Variants in EXOSC4 observed in about 807,000 individuals in gnomAD.
The protein encoded by EXOSC4 is exosome component 4, also known as exosome complex component RRP41.
A neutral mutation model predicts 20.0 loss-of-function variants in EXOSC4; 14 were observed. That is an observed-to-expected ratio of 0.70 (90% confidence interval 0.46 to 1.09). EXOSC4 has a LOEUF of 1.09. Ranked by LOEUF, EXOSC4 falls within the 50% of genes least tolerant of loss-of-function variation. The pLI, the probability that EXOSC4 is intolerant of heterozygous loss-of-function variation, is 0.00. For synonymous variants in EXOSC4, 148 were observed against 146.4 expected (o/e 1.01, Z -0.08); for missense variants, 337 against 334.0 (o/e 1.01, Z -0.07).
In EXOSC4 at chr8:144,078,800, G is replaced by T; in HGVS notation, c.72G>T (p.Lys24Asn). Residue 24 changes from lysine (K) to asparagine (N), a missense_variant, in exon 1 of 3, where the codon AAG becomes AAT. Transcript: ENST00000316052. The surrounding 1 kb of genome is among the most constrained non-coding windows in gnomAD (Gnocchi z 4.7). Reference sequence around the variant, plus strand: ...GGCGGCGCGCCGGGGAGCTGCGCAAGATCCAGGCGCGGATGGGCGTGTTCG... The same window carrying T: ...GGCGGCGCGCCGGGGAGCTGCGCAATATCCAGGCGCGGATGGGCGTGTTCG... ...VDGRRAGELR[K>N]IQARMGVFAQ... is the part of the protein sequence containing the mutation. 2 of 1,571,514 alleles carry T rather than the reference G, an allele frequency of 1.3e-6. No homozygotes were observed. Among genetic ancestry groups the T allele is most frequent in the East Asian group, 2.5e-5 (1 of 40,306 alleles).
At chr8:144,072,760 T>C in the EXOSC4 span, among the ~76,000 whole-genome samples, 3 of 152,258 alleles carry the variant, frequency 2.0e-5, no homozygotes, top group African/African-American at 7.2e-5. Flanking sequence ...TATTCTATTG[T>C]GTATACACAC....
chr8:144,067,974 A>G, the EXOSC4 span, among the ~76,000 whole-genome samples: 1 of 152,230 alleles, frequency 6.6e-6, no homozygotes, highest in African/African-American at 2.4e-5. Context: ...GCCAGCCTGC[A>G]TTCCTTCCTG....
the EXOSC4 span, among the ~76,000 whole-genome samples, chr8:144,069,137 G>A: frequency 6.6e-6 from 1 of 152,228 alleles, no homozygotes; most frequent in African/African-American, 2.4e-5. Flanking sequence ...GAAAACCAGG[G>A]ACAGAGACAA....
chr8:144,080,147 C>T lies in EXOSC4; in HGVS notation c.376C>T (p.Gln126Ter). ...ACGCTCCCAGATTGATATCTATGTG[C>T]AGGTGAGCCAGCTGCAGCCGTCAAT... is the stretch of plus-strand genomic sequence containing the variant. ...HPRSQIDIYV[Q>*]VLQADGGTYA... Residue 126 changes from glutamine (Q) to a stop codon, truncating the protein, a stop_gained and splice_region_variant, in exon 2 of 3, where the codon CAG becomes TAG. Coordinates refer to ENST00000316052, the MANE Select transcript of EXOSC4 (RefSeq NM_019037.3). LOFTEE classifies it high-confidence loss of function. This position sits in a 1 kb window ranked among gnomAD's most constrained non-coding sequence, Gnocchi z 4.9. 6.2e-7 allele frequency: 1 copy of T among 1,609,648 alleles called. No homozygotes were observed. Among genetic ancestry groups the T allele is most frequent in the Non-Finnish European group, 8.5e-7 (1 of 1,176,550 alleles).
chr8:144,080,501 T>C lies in EXOSC4; in HGVS notation c.638T>C (p.Val213Ala). The part of the protein sequence containing the change: ...ARLHEDHLER[V>A]LEAAAQAARD... ...CTGCACGAGGACCACCTGGAGCGGG[T>C]GTTGGAGGCTGCTGCCCAGGCTGCC... Residue 213 changes from valine (V) to alanine (A), a missense_variant, in exon 3 of 3, where the codon GTG becomes GCG. Coordinates refer to ENST00000316052, the MANE Select transcript of EXOSC4 (RefSeq NM_019037.3). The surrounding 1 kb of genome is among the most constrained non-coding windows in gnomAD (Gnocchi z 4.9). 1 of 1,605,508 alleles carries C rather than the reference T, an allele frequency of 6.2e-7. No homozygotes were observed. Among genetic ancestry groups the C allele is most frequent in the Non-Finnish European group, 8.5e-7 (1 of 1,179,930 alleles).
chr8:144,079,896 G>A, intron 1 of EXOSC4, 47 bp from the exon 2 acceptor site: 1 of 1,573,530 alleles, frequency 6.4e-7, no homozygotes, highest in South Asian at 1.1e-5. Context: ...ACAGTGGAGT[G>A]TGAGCTGGAA....
In EXOSC4 at chr8:144,080,177, G is replaced by A. The variant is rs1554763277; in HGVS notation, c.378+28G>A. ...GAGCCAGCTGCAGCCGTCAATCCAG[G>A]GAGGGAAGGGTGTGATGGGGTTGGG... is the stretch of plus-strand genomic sequence containing the variant. On this transcript the variant is annotated intron_variant, in intron 2 of 2. Transcript: ENST00000316052. This position sits in a 1 kb window ranked among gnomAD's most constrained non-coding sequence, Gnocchi z 4.9. The A allele has an allele frequency of 6.2e-7, 1 of 1,608,350 alleles. No homozygotes were observed. The highest frequency in any genetic ancestry group is 8.5e-7 in the Non-Finnish European group (1 of 1,175,854).
chr8:144,080,238 G>A lies in EXOSC4; in HGVS notation c.379-4G>A, dbSNP rs1554763283. The A allele has an allele frequency of 6.2e-7, 1 of 1,612,382 alleles. No homozygotes were observed. The highest frequency in any genetic ancestry group is 8.5e-7 in the Non-Finnish European group (1 of 1,178,968). ...GATAGACTGACACCCTGGGTTCCCT[G>A]CAGGTGCTACAGGCAGATGGTGGGA... On this transcript the variant is annotated splice_polypyrimidine_tract_variant and splice_region_variant and intron_variant, in intron 2 of 2. Transcript: ENST00000316052. The surrounding 1 kb of genome is among the most constrained non-coding windows in gnomAD (Gnocchi z 4.9).
At chr8:144,067,421 G>A in the EXOSC4 span, among the ~76,000 whole-genome samples, 1 of 152,188 alleles carries the variant, frequency 6.6e-6, no homozygotes, top group African/African-American at 2.4e-5. Context: ...AGTCTCCACT[G>A]CTGGGGGAGT....
chr8:144,076,794 G>A (rs1554762790), upstream of EXOSC4, among the ~76,000 whole-genome samples: 1 of 152,182 alleles, frequency 6.6e-6, no homozygotes, highest in African/African-American at 2.4e-5. Flanking sequence ...ACTGTCAGTG[G>A]ACAACCCAGT....
chr8:144,079,347 C>T (rs530406308), intron 1 of EXOSC4: 11 of 207,534 alleles, frequency 5.3e-5, no homozygotes, highest in Admixed American at 4.3e-4. Context: ...AGGAACTTTA[C>T]ATAAAACTAT....
chr8:144,071,356 C>A, the EXOSC4 span, among the ~76,000 whole-genome samples: 1 of 144,916 alleles, frequency 6.9e-6, no homozygotes, highest in African/African-American at 2.6e-5. Context: ...GATGGAGTCT[C>A]ACTCTGTCTC....
At chr8:144,077,243 C>CA (rs1468492469), upstream of EXOSC4, among the ~76,000 whole-genome samples, 7 of 152,074 alleles carry the variant, frequency 4.6e-5, no homozygotes, top group South Asian at 4.1e-4. Flanking sequence ...GACTCCATCT[C>CA]AAAAAACAAA....
chr8:144,080,580 C>G lies in EXOSC4; in HGVS notation c.717C>G (p.Ala239=), dbSNP rs1346064475. ...DRVVRQHVRE[A]SILLGD is the part of the protein sequence containing the mutation. Reference sequence around the variant, plus strand: ...TGGTCCGGCAGCATGTGCGTGAGGCCTCTATCTTGCTGGGGGACTGACCAC... The same window carrying G: ...TGGTCCGGCAGCATGTGCGTGAGGCGTCTATCTTGCTGGGGGACTGACCAC... The change falls in exon 3 of 3, where the codon GCC becomes GCG. Residue 239 remains alanine, a synonymous_variant. Coordinates refer to ENST00000316052, the MANE Select transcript of EXOSC4 (RefSeq NM_019037.3). This position sits in a 1 kb window ranked among gnomAD's most constrained non-coding sequence, Gnocchi z 4.9. 2 of 1,598,506 alleles carry G rather than the reference C, an allele frequency of 1.3e-6. No individual in the cohort carries two copies. Among genetic ancestry groups the G allele is most frequent in the East Asian group, 2.2e-5 (1 of 44,882 alleles).
the EXOSC4 span, among the ~76,000 whole-genome samples, chr8:144,065,406 C>CT: frequency 6.6e-6 from 1 of 152,078 alleles, no homozygotes; most frequent in Non-Finnish European, 1.5e-5. Context: ...CTGGGGGCAA[C>CT]TGTACTGAAT....
the EXOSC4 span, among the ~76,000 whole-genome samples, chr8:144,073,385 CA>C: frequency 3.3e-5 from 5 of 152,008 alleles, no homozygotes; most frequent in Non-Finnish European, 5.9e-5. Flanking sequence ...GATTCCTTCT[CA>C]AAAAACAATA....
chr8:144,073,488 C>G, the EXOSC4 span, among the ~76,000 whole-genome samples: 1 of 152,148 alleles, frequency 6.6e-6, no homozygotes, highest in Non-Finnish European at 1.5e-5. Flanking sequence ...GCTCTTCCTG[C>G]CAACAGCTCC....
chr8:144,065,125 G>A, the EXOSC4 span, among the ~76,000 whole-genome samples: 4 of 152,072 alleles, frequency 2.6e-5, no homozygotes, highest in East Asian at 1.9e-4. Flanking sequence ...GATTACAGGC[G>A]TGAGCCACCG....
rs1554763363 is a variant in EXOSC4 at position 144,080,539 on chromosome 8, A to G, written c.676A>G (p.Thr226Ala). The change falls in exon 3 of 3, where the codon ACC (threonine) becomes GCC (alanine). Residue 226 changes from threonine to alanine, a missense_variant. Thr to Ala is a moderately conservative substitution (Grantham distance 58, BLOSUM62 0). Coordinates refer to ENST00000316052, the MANE Select transcript of EXOSC4 (RefSeq NM_019037.3). The surrounding 1 kb of genome is among the most constrained non-coding windows in gnomAD (Gnocchi z 4.9). ...AAAQAARDVHTLLDRVVRQHV... is the reference protein window; with the variant it reads ...AAAQAARDVHALLDRVVRQHV... ...TGCCCAGGCTGCCCGAGATGTGCAC[A>G]CCCTCTTAGATCGAGTGGTCCGGCA... The G allele has an allele frequency of 3.7e-6, 6 of 1,601,862 alleles. No homozygotes were observed. In the South Asian group the frequency reaches 5.5e-5, roughly 15 times the overall value.
Sources: gnomAD v4.1 joint callset for allele counts (sites outside exome capture counted in the v4.1 genomes callset) on GRCh38, gnomAD v4.1.1 for gene constraint, Gnocchi (gnomAD v3.1) non-coding constraint, MANE v1.5 for transcripts, NCBI Gene and HGNC (gene_info 2026-07-23, HGNC 2026-07-21) for gene names.